Variants in SLC16A10 observed in about 807,000 individuals in gnomAD.
SLC16A10 encodes the protein monocarboxylate transporter 10.
SLC16A10 carries 27 observed loss-of-function variants against 40.0 expected under a neutral mutation model. That is an observed-to-expected ratio of 0.67 (90% CI 0.50 to 0.93). The LOEUF (loss-of-function observed/expected upper bound fraction) is 0.93, where lower values mean the gene tolerates loss of function less well. SLC16A10 is among the 40% of genes least tolerant of loss of function. The probability of loss-of-function intolerance (pLI) is 0.00; values close to 1 mark genes in which losing one functional copy is unlikely to be tolerated. For synonymous variants in SLC16A10, 213 were observed against 249.8 expected (o/e 0.85, Z 1.39); for missense variants, 529 against 658.2 (o/e 0.80, Z 2.15).
chr6:111,174,133 G>A (rs1446430801), intron 2 of SLC16A10, among the ~76,000 whole-genome samples: 7 of 152,054 alleles, frequency 4.6e-5, no homozygotes, highest in Admixed American at 3.3e-4. Flanking sequence ...ATGTAGCTCT[G>A]GCTAACAGGA....
At position 111,221,827 on chromosome 6, in the gene SLC16A10, C is replaced by T. The variant is rs894105677; in HGVS notation, c.1316-176C>T. ...TCCAGAGGACTGTACTTTATGACAA[C>T]GTTAAAGATATGAGATCTTTTTCTT... On this transcript the variant is annotated intron_variant, in intron 5 of 5. Coordinates refer to ENST00000368851, the MANE Select transcript of SLC16A10 (RefSeq NM_018593.5). Among the ~76,000 whole-genome samples the T allele has an allele frequency of 4.6e-5, 7 of 150,816 alleles. No homozygotes were observed. In the East Asian group the frequency reaches 5.8e-4, roughly 13 times the overall value.
chr6:111,089,108 T>C (rs971905345), intron 1 of SLC16A10, among the ~76,000 whole-genome samples: 2 of 152,192 alleles, frequency 1.3e-5, no homozygotes, highest in African/African-American at 4.8e-5. Flanking sequence ...AATAGTCTTT[T>C]TTTTTAACCT....
chr6:111,164,251 CT>C (rs1388724329), intron 1 of SLC16A10, among the ~76,000 whole-genome samples: 3 of 147,948 alleles, frequency 2.0e-5, no homozygotes, highest in Non-Finnish European at 4.4e-5. Context: ...AACACATTTA[CT>C]TTCCTTACAC....
intron 1 of SLC16A10, among the ~76,000 whole-genome samples, chr6:111,170,546 T>C (rs1772566671): frequency 1.3e-5 from 2 of 151,974 alleles, no homozygotes; most frequent in African/African-American, 4.8e-5. Flanking sequence ...ATCTCCCGGG[T>C]TCAAGTGATT....
intron 1 of SLC16A10, among the ~76,000 whole-genome samples, chr6:111,125,660 T>C (rs1322394919): frequency 6.6e-6 from 1 of 152,192 alleles, no homozygotes; most frequent in African/African-American, 2.4e-5. Context: ...TGAATATCCA[T>C]AAGAGTTTAT....
chr6:111,122,090 A>G (rs902152780), intron 1 of SLC16A10, among the ~76,000 whole-genome samples: 11 of 151,740 alleles, frequency 7.2e-5, no homozygotes, highest in Admixed American at 7.2e-4. Flanking sequence ...GTCACCCTCC[A>G]CCTCTTGCTG....
chr6:111,191,665 A>G (rs796615378), intron 3 of SLC16A10, among the ~76,000 whole-genome samples: 1 of 152,124 alleles, frequency 6.6e-6, no homozygotes, highest in Non-Finnish European at 1.5e-5. Flanking sequence ...ATTTCTCCAC[A>G]TCCTCTCCAG....
At chr6:111,102,266 C>G (rs1171957711) in intron 1 of SLC16A10, among the ~76,000 whole-genome samples, 1 of 152,158 alleles carries the variant, frequency 6.6e-6, no homozygotes, top group African/African-American at 2.4e-5. Flanking sequence ...CCAGATTATT[C>G]TTTAGAAAAC....
chr6:111,161,998 G>A (rs1583336397), intron 1 of SLC16A10, among the ~76,000 whole-genome samples: 1 of 152,256 alleles, frequency 6.6e-6, no homozygotes, highest in East Asian at 1.9e-4. Flanking sequence ...TCACTGGTTG[G>A]TTCACAGAAA....
chr6:111,118,605 T>C (rs920467833), intron 1 of SLC16A10, among the ~76,000 whole-genome samples: 4 of 137,696 alleles, frequency 2.9e-5, no homozygotes, highest in Admixed American at 2.5e-4. Context: ...TCCTTGAAAC[T>C]GGGAGGTGGA....
At chr6:111,088,195 G>C (rs1400691658) in intron 1 of SLC16A10, 100 bp downstream of exon 1, 1 of 1,242,644 alleles carries the variant, frequency 8.0e-7, no homozygotes, top group East Asian at 2.7e-5. Flanking sequence ...TGTGCATGTC[G>C]GTGGGTCCCT....
chr6:111,200,206 A>C (rs1773146590), intron 3 of SLC16A10, among the ~76,000 whole-genome samples: 1 of 152,192 alleles, frequency 6.6e-6, no homozygotes, highest in African/African-American at 2.4e-5. Context: ...CCACAACAGA[A>C]ATATCGTTGG....
intron 3 of SLC16A10, chr6:111,178,333 C>T (rs1772726391): frequency 7.6e-6 from 4 of 524,460 alleles, no homozygotes; most frequent in South Asian, 1.4e-5. Flanking sequence ...GGAAAGAGAA[C>T]TATGGTTTTA....
chr6:111,200,577 C>G (rs940057413), intron 3 of SLC16A10, among the ~76,000 whole-genome samples: 1 of 151,952 alleles, frequency 6.6e-6, no homozygotes, highest in Admixed American at 6.6e-5. Flanking sequence ...AAACACAAAT[C>G]GTTTAAAAAA....
At chr6:111,181,928 C>T (rs1416223182) in intron 3 of SLC16A10, among the ~76,000 whole-genome samples, 1 of 151,986 alleles carries the variant, frequency 6.6e-6, no homozygotes, top group Admixed American at 6.6e-5. Flanking sequence ...ATGAATTGCC[C>T]CTTTTGCCTG....
chr6:111,129,266 G>A (rs1244853363), intron 1 of SLC16A10, among the ~76,000 whole-genome samples: 1 of 152,232 alleles, frequency 6.6e-6, no homozygotes, highest in East Asian at 1.9e-4. Context: ...GGCAAAGAAG[G>A]AAGGGGGGTT....
At chr6:111,094,789 C>A (rs1401471158) in intron 1 of SLC16A10, among the ~76,000 whole-genome samples, 5 of 152,126 alleles carry the variant, frequency 3.3e-5, no homozygotes, top group African/African-American at 1.2e-4. Context: ...AGGCACATGC[C>A]ACCATGGCCG....
rs761597581 is a variant in SLC16A10 at position 111,166,267 on chromosome 6, T to A, written c.344-6428T>A. Reference sequence around the variant, plus strand: ...CTGGTAAGAACTTTTACTCTTTTACTGGCATGTCAGGCTTCTGGGTTCCCT... The same window carrying A: ...CTGGTAAGAACTTTTACTCTTTTACAGGCATGTCAGGCTTCTGGGTTCCCT... On this transcript the variant is annotated intron_variant, in intron 1 of 5. Coordinates refer to ENST00000368851, the MANE Select transcript of SLC16A10 (RefSeq NM_018593.5). 2.3e-5 allele frequency among the ~76,000 whole-genome samples: 3 copies of A among 131,894 alleles called. 1 individual carries two copies. In the South Asian group the frequency reaches 6.6e-4, roughly 29 times the overall value. 86.5% of individuals were successfully genotyped at this position (131,894 alleles called of 152,430 possible).
chr6:111,137,243 G>A (rs186763623), intron 1 of SLC16A10, among the ~76,000 whole-genome samples: 1 of 152,296 alleles, frequency 6.6e-6, no homozygotes, highest in Admixed American at 6.5e-5. Context: ...TCCTCCTCAG[G>A]ATGGCTAGCC....
Sources: gnomAD v4.1 joint callset for allele counts (sites outside exome capture counted in the v4.1 genomes callset) on GRCh38, gnomAD v4.1.1 for gene constraint, MANE v1.5 for transcripts, NCBI Gene and HGNC (gene_info 2026-07-23, HGNC 2026-07-21) for gene names.